INSIG2: variants seen among roughly 807,000 people sequenced by gnomAD.
INSIG2 encodes insulin induced gene 2.
In INSIG2, 10 loss-of-function variants were observed where a neutral mutation model predicts 27.2. The observed-to-expected ratio is 0.37, with a 90% confidence interval of 0.23 to 0.62. The LOEUF (loss-of-function observed/expected upper bound fraction) is 0.62, where lower values mean the gene tolerates loss of function less well. Ranked by LOEUF, INSIG2 falls within the 20% of genes least tolerant of loss-of-function variation. INSIG2 has a pLI of 0.65. For synonymous variants in INSIG2, 97 were observed against 95.8 expected (o/e 1.01, Z -0.07); for missense variants, 178 against 270.2 (o/e 0.66, Z 2.39).
Position 118,093,953 on chromosome 2 carries a change from G to T in INSIG2, c.-138-2466G>T, listed in dbSNP as rs1380168156. 5.1e-4 allele frequency among the ~76,000 whole-genome samples: 34 copies of T among 66,204 alleles called. 1 individual carries two copies. Among genetic ancestry groups the T allele is most frequent in the East Asian group, 1.2e-3 (1 of 810 alleles). 43.4% of individuals were successfully genotyped at this position (66,204 alleles called of 152,430 possible). A position where few individuals can be genotyped will look rare whatever the true frequency, so the allele number is the denominator to read the frequency against. ...ATGATGATGATGATGAGGAGGAGGA[G>T]GAGGAGGAGGAGGAGGAGGAGAGTT... On this transcript the variant is annotated intron_variant, in intron 1 of 5. Coordinates refer to ENST00000245787, the MANE Select transcript of INSIG2 (RefSeq NM_016133.4).
At chr2:118,102,389 C>T (rs957635775) in intron 2 of INSIG2, 1 of 152,180 alleles carries the variant, frequency 6.6e-6, no homozygotes. Flanking sequence ...TAATTAATGA[C>T]ACAACATTCA....
intron 1 of INSIG2, among the ~76,000 whole-genome samples, chr2:118,095,916 A>G (rs115735095): frequency 5.2e-4 from 79 of 152,264 alleles, no homozygotes; most frequent in African/African-American, 1.9e-3. Context: ...AAAGCGGGTT[A>G]TTTTGTTCTT....
intron 3 of INSIG2, among the ~76,000 whole-genome samples, chr2:118,106,433 T>C (rs1006185074): frequency 2.0e-5 from 3 of 152,248 alleles, no homozygotes; most frequent in Non-Finnish European, 4.4e-5. Flanking sequence ...TCTTAAATAA[T>C]GGGTAAAGCC....
intron 1 of INSIG2, among the ~76,000 whole-genome samples, chr2:118,095,377 A>T (rs182159765): frequency 6.6e-6 from 1 of 152,334 alleles, no homozygotes; most frequent in Admixed American, 6.5e-5. Flanking sequence ...CATGGTTTTG[A>T]ATCCCAGCTT....
chr2:118,091,175 A>T (rs1409598749), intron 1 of INSIG2, among the ~76,000 whole-genome samples: 1 of 152,218 alleles, frequency 6.6e-6, no homozygotes, highest in Non-Finnish European at 1.5e-5. Flanking sequence ...AAAGTAAACT[A>T]AGGGAGCTTA....
intron 4 of INSIG2, 55 bp from the exon 5 acceptor site, chr2:118,107,030 ATTATC>A (rs1387072107): frequency 3.6e-5 from 52 of 1,460,168 alleles, no homozygotes; most frequent in Admixed American, 6.9e-5. Context: ...TTTCATTGTA[ATTATC>A]TTAAGTGTCA....
At chr2:118,092,736 G>A (rs1678284383) in intron 1 of INSIG2, among the ~76,000 whole-genome samples, 1 of 152,132 alleles carries the variant, frequency 6.6e-6, no homozygotes, top group Admixed American at 6.6e-5. Context: ...TTGTTTTGAA[G>A]AGTAGAGTTA....
At chr2:118,101,089 T>TA (rs1404481523) in intron 2 of INSIG2, among the ~76,000 whole-genome samples, 6 of 151,920 alleles carry the variant, frequency 3.9e-5, no homozygotes, top group African/African-American at 1.2e-4. Context: ...TTGTTTTTTT[T>TA]AAAAAAAAGT....
At chr2:118,103,733 TAAA>T (rs1678606359) in intron 3 of INSIG2, among the ~76,000 whole-genome samples, 2 of 152,158 alleles carry the variant, frequency 1.3e-5, no homozygotes, top group Non-Finnish European at 2.9e-5. Flanking sequence ...TTTCTTAACT[TAAA>T]GAAGCTTTTT....
chr2:118,096,790 C>G lies in INSIG2; in HGVS notation c.234C>G (p.Gly78=), dbSNP rs772723612. Residue 78 remains glycine (G), a synonymous_variant, in exon 2 of 6, where the codon GGC becomes GGG. Transcript: ENST00000245787. The part of the protein sequence containing the change: ...SSAWWVPPCC[G]TASAVIGLLY... ...CATGGTGGGTACCCCCATGCTGTGGCACGGCTTCAGGTATGTGTAGGATGT... is the reference window on the plus strand; with the variant it reads ...CATGGTGGGTACCCCCATGCTGTGGGACGGCTTCAGGTATGTGTAGGATGT... 3.7e-6 allele frequency: 6 copies of G among 1,612,720 alleles called. No individual in the cohort carries two copies. Among genetic ancestry groups the G allele is most frequent in the Middle Eastern group, 1.6e-4 (1 of 6,082 alleles).
chr2:118,104,098 G>A (rs1678616253), intron 3 of INSIG2, among the ~76,000 whole-genome samples: 1 of 152,128 alleles, frequency 6.6e-6, no homozygotes, highest in Non-Finnish European at 1.5e-5. Flanking sequence ...TGCTATTCCT[G>A]TCTTTTTCTA....
chr2:118,100,952 C>A (rs10167085), intron 2 of INSIG2, among the ~76,000 whole-genome samples: 28 of 151,898 alleles, frequency 1.8e-4, no homozygotes, highest in African/African-American at 6.6e-4. Flanking sequence ...TAGACTGTAA[C>A]TAGTCACTGG....
intron 2 of INSIG2, among the ~76,000 whole-genome samples, chr2:118,100,428 G>C (rs1445055921): frequency 1.5e-5 from 2 of 136,400 alleles, no homozygotes; most frequent in East Asian, 2.2e-4. Context: ...ACCTGGGCTG[G>C]AGTGCAGTGG....
intron 4 of INSIG2, 43 bp downstream of exon 4, chr2:118,106,946 A>T (rs778171040): frequency 3.8e-6 from 6 of 1,595,330 alleles, no homozygotes; most frequent in Non-Finnish European, 5.2e-6. Context: ...TTTGCTAGAT[A>T]AATAAATGAT....
Position 118,093,015 on chromosome 2 carries a change from TGAG to T in INSIG2, c.-138-3379_-138-3377del, listed in dbSNP as rs779340110. On this transcript the variant is annotated intron_variant, in intron 1 of 5. Coordinates refer to ENST00000245787, the MANE Select transcript of INSIG2 (RefSeq NM_016133.4). ...GCTAAAAGCAACCAGATGATGATGA[TGAG>T]GAGGAGGAGGAGGAGGAGGAGGAGA... Among the ~76,000 whole-genome samples, 61 of 92,024 alleles carry T rather than the reference TGAG, an allele frequency of 6.6e-4. 3 individuals are homozygous for T. The highest frequency in any genetic ancestry group is 2.4e-3 in the Admixed American group (22 of 9,152). 60.4% of individuals were successfully genotyped at this position (92,024 alleles called of 152,430 possible).
At chr2:118,091,491 T>C (rs1034559031) in intron 1 of INSIG2, among the ~76,000 whole-genome samples, 5 of 152,238 alleles carry the variant, frequency 3.3e-5, no homozygotes, top group African/African-American at 1.2e-4. Context: ...ATGGACTTTT[T>C]TGAGTACTTT....
intron 2 of INSIG2, among the ~76,000 whole-genome samples, chr2:118,097,117 C>T (rs1326656315): frequency 6.6e-6 from 1 of 152,166 alleles, no homozygotes; most frequent in South Asian, 2.1e-4. Flanking sequence ...TTATTTATCT[C>T]TGTTCTAGAA....
intron 1 of INSIG2, among the ~76,000 whole-genome samples, chr2:118,092,548 G>A (rs1678280018): frequency 6.6e-6 from 1 of 152,126 alleles, no homozygotes; most frequent in East Asian, 1.9e-4. Context: ...AGAAGTCTGA[G>A]CAGTTGAGAT....
chr2:118,096,481 C>T lies in INSIG2; in HGVS notation c.-76C>T. 1 of 1,459,154 alleles carries T rather than the reference C, an allele frequency of 6.9e-7. No individual in the cohort carries two copies. Among genetic ancestry groups the T allele is most frequent in the East Asian group, 2.3e-5 (1 of 43,806 alleles). 90.4% of individuals were successfully genotyped at this position (1,459,154 alleles called of 1,614,324 possible). On this transcript the variant is annotated 5_prime_UTR_variant, in exon 2 of 6. Coordinates refer to ENST00000245787, the MANE Select transcript of INSIG2 (RefSeq NM_016133.4). Reference sequence around the variant, plus strand: ...ACCGTTGAAGCGTCAGTCTTTGATTCACAGACAGTTGAGCTTTTCAGCTGG... The same window carrying T: ...ACCGTTGAAGCGTCAGTCTTTGATTTACAGACAGTTGAGCTTTTCAGCTGG...
Sources: gnomAD v4.1 joint callset for allele counts (sites outside exome capture counted in the v4.1 genomes callset) on GRCh38, gnomAD v4.1.1 for gene constraint, MANE v1.5 for transcripts, NCBI Gene and HGNC (gene_info 2026-07-23, HGNC 2026-07-21) for gene names.